The following CHST9 variants were observed in gnomAD, a reference collection of about 807,000 sequenced individuals.
The protein encoded by CHST9 is carbohydrate sulfotransferase 9, also known as GalNAc-4-sulfotransferase 2.
A neutral mutation model predicts 44.4 loss-of-function variants in CHST9; 41 were observed. The observed-to-expected ratio is 0.92, with a 90% CI of 0.72 to 1.20. CHST9 has a LOEUF of 1.20. Among genes scored for constraint, CHST9 ranks in the 50% most tolerant of loss-of-function variants. CHST9 has a pLI of 0.00. For missense variants in CHST9, 504 were observed against 516.5 expected, an observed-to-expected ratio of 0.98 and a Z score of 0.23; for synonymous variants, 171 against 178.4, an observed-to-expected ratio of 0.96 and a Z score of 0.33.
chr18:27,108,294 CTT>C (rs2058239876), intron 2 of CHST9, among the ~76,000 whole-genome samples: 1 of 152,040 alleles, frequency 6.6e-6, no homozygotes, highest in Admixed American at 6.6e-5. Context: ...CCTGGTTTGA[CTT>C]TTTAAAAAAT....
intron 2 of CHST9, among the ~76,000 whole-genome samples, chr18:27,126,827 T>C (rs1381225911): frequency 6.6e-6 from 1 of 151,936 alleles, no homozygotes; most frequent in African/African-American, 2.4e-5. Flanking sequence ...GAAGGCTGCT[T>C]TAGGGGCTGC....
intron 5 of CHST9, among the ~76,000 whole-genome samples, chr18:26,923,834 G>C (rs566935877): frequency 5.9e-5 from 9 of 152,182 alleles, no homozygotes; most frequent in Admixed American, 5.2e-4. Flanking sequence ...TAATTTTTCT[G>C]GAGAGATTTT....
intron 3 of CHST9, among the ~76,000 whole-genome samples, chr18:27,026,109 C>G (rs997078229): frequency 6.6e-6 from 1 of 152,176 alleles, no homozygotes; most frequent in Non-Finnish European, 1.5e-5. Flanking sequence ...ATGATAGGCT[C>G]TTTCCTCCAT....
chr18:27,058,661 G>A (rs764856055), intron 2 of CHST9, among the ~76,000 whole-genome samples: 7 of 152,166 alleles, frequency 4.6e-5, no homozygotes, highest in Non-Finnish European at 8.8e-5. Context: ...TGAACAGTAT[G>A]TGACCAGCTC....
chr18:27,156,382 T>C (rs1294421835), intron 1 of CHST9, among the ~76,000 whole-genome samples: 1 of 152,144 alleles, frequency 6.6e-6, no homozygotes, highest in Non-Finnish European at 1.5e-5. Flanking sequence ...GGGTACTATG[T>C]ATATAATCAA....
chr18:27,008,673 G>A (rs1463783805), intron 4 of CHST9, among the ~76,000 whole-genome samples: 1 of 151,782 alleles, frequency 6.6e-6, no homozygotes, highest in Non-Finnish European at 1.5e-5. Context: ...GCGAGGCTAG[G>A]AGGCAGTCGT....
At chr18:26,983,186 T>C (rs1236277219) in intron 4 of CHST9, among the ~76,000 whole-genome samples, 1 of 152,222 alleles carries the variant, frequency 6.6e-6, no homozygotes, top group Non-Finnish European at 1.5e-5. Context: ...GTATAGGTCC[T>C]AGACCAGTGT....
intron 5 of CHST9, among the ~76,000 whole-genome samples, chr18:26,940,575 C>A (rs1024442182): frequency 6.6e-6 from 1 of 152,040 alleles, no homozygotes; most frequent in African/African-American, 2.4e-5. Flanking sequence ...CAGGAAATCA[C>A]CGAGCAAATG....
intron 1 of CHST9, among the ~76,000 whole-genome samples, chr18:27,176,335 C>A (rs750800031): frequency 6.6e-6 from 1 of 151,946 alleles, no homozygotes; most frequent in African/African-American, 2.4e-5. Flanking sequence ...GGGTGGGGAA[C>A]AATGCCAGGA....
intron 3 of CHST9, among the ~76,000 whole-genome samples, chr18:27,029,018 C>T (rs550576982): frequency 2.0e-5 from 3 of 152,200 alleles, no homozygotes; most frequent in African/African-American, 7.2e-5. Context: ...TAGAATTTGA[C>T]GCCTGAATTT....
chr18:27,055,280 C>T (rs1330435944), intron 2 of CHST9, among the ~76,000 whole-genome samples: 2 of 151,990 alleles, frequency 1.3e-5, no homozygotes, highest in East Asian at 1.9e-4. Context: ...ATGCTAACTG[C>T]CATGAATTTT....
intron 4 of CHST9, among the ~76,000 whole-genome samples, chr18:26,946,249 C>A (rs1598583138): frequency 6.6e-6 from 1 of 152,090 alleles, no homozygotes; most frequent in African/African-American, 2.4e-5. Context: ...TAAATGTGGG[C>A]TCCCCAAAGA....
At chr18:27,110,306 C>A (rs903605919) in intron 2 of CHST9, among the ~76,000 whole-genome samples, 2 of 150,480 alleles carry the variant, frequency 1.3e-5, no homozygotes, top group Non-Finnish European at 3.0e-5. Context: ...TTTTTTTTTT[C>A]TATTTACCTC....
At chr18:26,966,044 T>C (rs1482072519) in intron 4 of CHST9, among the ~76,000 whole-genome samples, 1 of 152,248 alleles carries the variant, frequency 6.6e-6, no homozygotes, top group Non-Finnish European at 1.5e-5. Flanking sequence ...GTAAATAGTT[T>C]ATTCATAATG....
At chr18:27,168,028 C>G (rs1567947259) in intron 1 of CHST9, among the ~76,000 whole-genome samples, 1 of 151,140 alleles carries the variant, frequency 6.6e-6, no homozygotes, top group Non-Finnish European at 1.5e-5. Flanking sequence ...TAAAGGGAAA[C>G]AGATAGGCAT....
chr18:27,095,139 A>T (rs1568170406), intron 2 of CHST9, among the ~76,000 whole-genome samples: 1 of 152,168 alleles, frequency 6.6e-6, no homozygotes, highest in East Asian at 1.9e-4. Flanking sequence ...GTTAGTTTCA[A>T]GCATTGAGTA....
At chr18:27,014,441 G>C (rs1260010932) in intron 4 of CHST9, among the ~76,000 whole-genome samples, 6 of 107,638 alleles carry the variant, frequency 5.6e-5, no homozygotes, top group African/African-American at 2.2e-4. Flanking sequence ...GCGACAGAGC[G>C]AGACTCTGTC....
intron 2 of CHST9, among the ~76,000 whole-genome samples, chr18:27,138,501 A>AT (rs796862042): frequency 1.5e-4 from 23 of 150,092 alleles, no homozygotes; most frequent in African/African-American, 2.7e-4. Flanking sequence ...CTAAGCCTTC[A>AT]TTTTTTTTTT....
chr18:27,123,033 T>G (rs982234440), intron 2 of CHST9, among the ~76,000 whole-genome samples: 2 of 152,198 alleles, frequency 1.3e-5, no homozygotes, highest in African/African-American at 4.8e-5. Context: ...GTGGTGCCAA[T>G]TAATGACTTA....
Sources: gnomAD v4.1 joint callset for allele counts (sites outside exome capture counted in the v4.1 genomes callset) on GRCh38, gnomAD v4.1.1 for gene constraint, MANE v1.5 for transcripts, NCBI Gene and HGNC (gene_info 2026-07-23, HGNC 2026-07-21) for gene names.